Variants in CELSR1 observed in about 807,000 individuals in gnomAD.
CELSR1 encodes the protein adhesion G protein-coupled receptor C1.
CELSR1 carries 110 observed loss-of-function variants against 249.1 expected under a neutral mutation model. The observed-to-expected ratio is 0.44, with a 90% CI of 0.38 to 0.52. The LOEUF (loss-of-function observed/expected upper bound fraction) is 0.52. CELSR1 is among the 20% of genes least tolerant of loss of function. The probability of loss-of-function intolerance (pLI) is 0.00; values close to 1 mark genes in which losing one functional copy is unlikely to be tolerated. For synonymous variants in CELSR1, 2,113 were observed against 1,900.0 expected, an observed-to-expected ratio of 1.11 and a Z score of -2.92; for missense variants, 4,109 against 4,296.4, an observed-to-expected ratio of 0.96 and a Z score of 1.22.
chr22:46,477,939 T>C (rs1197185173), intron 1 of CELSR1, among the ~76,000 whole-genome samples: 2 of 152,268 alleles, frequency 1.3e-5, no homozygotes, highest in Admixed American at 6.5e-5. Context: ...CCCGGGAGGA[T>C]GCTGGGCAGC....
intron 1 of CELSR1, among the ~76,000 whole-genome samples, chr22:46,497,975 A>G (rs1457657259): frequency 6.8e-6 from 1 of 146,646 alleles, no homozygotes; most frequent in Non-Finnish European, 1.5e-5. Flanking sequence ...GGGGCCAGGC[A>G]CGGTGGCTCA....
At chr22:46,375,947 T>A (rs952150360) in intron 24 of CELSR1, among the ~76,000 whole-genome samples, 1 of 152,264 alleles carries the variant, frequency 6.6e-6, no homozygotes, top group Admixed American at 6.5e-5. Context: ...TTCTGATCTC[T>A]ATGCTTTTGT....
Position 46,391,508 on chromosome 22 carries a change from A to G in CELSR1, c.6148+125T>C. ...AGAACCAGGTTTCTAGAAGGTCAAG[A>G]GAACTCAGAACACGAGGGAGCCCAG... On this transcript the variant is annotated intron_variant, in intron 15 of 34. Coordinates refer to ENST00000674500, the MANE Select transcript of CELSR1 (RefSeq NM_001378328.1). The surrounding 1 kb of genome is among the most constrained non-coding windows in gnomAD (Gnocchi z 4.3). The G allele has an allele frequency of 8.4e-7, 1 of 1,183,812 alleles. No homozygotes were observed. The highest frequency in any genetic ancestry group is 1.2e-6 in the Non-Finnish European group (1 of 868,738). The allele number at this position is 1,183,812 out of a possible 1,614,324, so 73.3% of individuals were successfully genotyped here. A position where few individuals can be genotyped will look rare whatever the true frequency, so the allele number is the denominator to read the frequency against.
chr22:46,443,300 G>A (rs1041711678), intron 2 of CELSR1, among the ~76,000 whole-genome samples: 2 of 152,316 alleles, frequency 1.3e-5, no homozygotes, highest in South Asian at 4.1e-4. Context: ...GCACAGGCCA[G>A]GGGGGTGCTT....
rs1275601399 is a variant in CELSR1, at chr22:46,439,519, T to C, written c.4184-108A>G. ...ACACCCCAGCCACACAGTCAGCTGC[T>C]GAAAGAAAACCCGACTGACTCCAGG... is the stretch of plus-strand genomic sequence containing the variant. On this transcript the variant is annotated intron_variant, in intron 2 of 34. Transcript: ENST00000674500. 2.8e-5 allele frequency: 25 copies of C among 894,524 alleles called. No homozygotes were observed. In the East Asian group the frequency reaches 6.4e-4, roughly 23 times the overall value. 55.4% of individuals were successfully genotyped at this position (894,524 alleles called of 1,614,324 possible). A position where few individuals can be genotyped will look rare whatever the true frequency, so the allele number is the denominator to read the frequency against.
intron 5 of CELSR1, among the ~76,000 whole-genome samples, chr22:46,422,230 C>G (rs966553441): frequency 2.6e-5 from 4 of 152,064 alleles, no homozygotes; most frequent in East Asian, 2.0e-4. Flanking sequence ...CTCAGCCTCC[C>G]GAGTAGCTGA....
chr22:46,419,682 C>T (rs2079442682), intron 5 of CELSR1, among the ~76,000 whole-genome samples: 1 of 152,166 alleles, frequency 6.6e-6, no homozygotes. Context: ...AGCAAAAAAG[C>T]TTACCAAAAA....
In CELSR1 at chr22:46,484,819, G is replaced by C. The variant is rs1263429250; in HGVS notation, c.3545-20474C>G. Among the ~76,000 whole-genome samples, 1 of 148,658 alleles carries C rather than the reference G, an allele frequency of 6.7e-6. No homozygotes were observed. The highest frequency in any genetic ancestry group is 2.5e-5 in the African/African-American group (1 of 40,472). ...AAGGATATCATCCTTGTTACTTCCAGGGACGCCTCCCTCCAATTTAGTGAA... is the reference window on the plus strand; with the variant it reads ...AAGGATATCATCCTTGTTACTTCCACGGACGCCTCCCTCCAATTTAGTGAA... On this transcript the variant is annotated intron_variant, in intron 1 of 34. Coordinates refer to ENST00000674500, the MANE Select transcript of CELSR1 (RefSeq NM_001378328.1). The surrounding 1 kb of genome is among the most constrained non-coding windows in gnomAD (Gnocchi z 4.5).
chr22:46,367,822 C>T lies in CELSR1; in HGVS notation c.7986G>A (p.Leu2662=), dbSNP rs142621412. 5.2e-5 allele frequency: 84 copies of T among 1,611,646 alleles called. 1 individual carries two copies. In the Middle Eastern group the frequency reaches 1.9e-3, roughly 37 times the overall value. The change falls in exon 28 of 35, where the codon CTG becomes CTA. Residue 2662 remains leucine, a synonymous_variant. Transcript: ENST00000674500. ...CCAGCAGCCAGGTGGCGCTGATGAG[C>T]AGCAGCAGGAGGAATGCGGTCCTCA... is the stretch of plus-strand genomic sequence containing the variant. ...SLLRTAFLLL[L]LISATWLLGL...
chr22:46,532,289 T>C (rs2080799649), intron 1 of CELSR1, among the ~76,000 whole-genome samples: 1 of 152,256 alleles, frequency 6.6e-6, no homozygotes, highest in South Asian at 2.1e-4. Flanking sequence ...AGAATATCCA[T>C]AACCCCGGTT....
At position 46,512,717 on chromosome 22, in the gene CELSR1, C is replaced by T. The variant is rs1296443024; in HGVS notation, c.3544+20910G>A. Among the ~76,000 whole-genome samples, 8 of 152,194 alleles carry T rather than the reference C, an allele frequency of 5.3e-5. No individual in the cohort carries two copies. Among genetic ancestry groups the T allele is most frequent in the Non-Finnish European group, 7.3e-5 (5 of 68,036 alleles). ...CCTCCACAGTCAACCCTTCTTGTCA[C>T]GGGGATCAGGCACAGCTCCTGCTTA... On this transcript the variant is annotated intron_variant, in intron 1 of 34. Transcript: ENST00000674500. The surrounding 1 kb of genome is among the most constrained non-coding windows in gnomAD (Gnocchi z 5.2).
rs1281454483 is a variant in CELSR1 at position 46,423,889 on chromosome 22, T to C, written c.4611+9504A>G. On this transcript the variant is annotated intron_variant, in intron 5 of 34. Transcript: ENST00000674500. The surrounding 1 kb of genome is among the most constrained non-coding windows in gnomAD (Gnocchi z 5.6). Reference sequence around the variant, plus strand: ...ACTTGGGAGGCTGAGGGCAGGAGAATGGCTTGAACTCAGGAGGCGGAGGTT... The same window carrying C: ...ACTTGGGAGGCTGAGGGCAGGAGAACGGCTTGAACTCAGGAGGCGGAGGTT... Among the ~76,000 whole-genome samples, 4 of 151,900 alleles carry C rather than the reference T, an allele frequency of 2.6e-5. No individual in the cohort carries two copies. The highest frequency in any genetic ancestry group is 2.6e-4 in the Admixed American group (4 of 15,240).
chr22:46,394,070 G>C (rs2079122907), intron 14 of CELSR1, 72 bp downstream of exon 14: 1 of 1,562,020 alleles, frequency 6.4e-7, no homozygotes, highest in Middle Eastern at 1.9e-4. Flanking sequence ...GAAGGCGTGT[G>C]TGTATTTAGG....
At chr22:46,438,173 C>T (rs996625033) in intron 3 of CELSR1, among the ~76,000 whole-genome samples, 4 of 152,222 alleles carry the variant, frequency 2.6e-5, no homozygotes, top group Middle Eastern at 3.4e-3. Context: ...GGCCAGAAAA[C>T]AGAAACCAAG....
chr22:46,507,713 G>C (rs1464434343), intron 1 of CELSR1, among the ~76,000 whole-genome samples: 1 of 152,130 alleles, frequency 6.6e-6, no homozygotes. Flanking sequence ...CTTGCTGGCT[G>C]TGCCGCCCGA....
In CELSR1 at chr22:46,361,401, G is replaced by A. The variant is rs1303342967; in HGVS notation, c.*1822C>T. On this transcript the variant is annotated 3_prime_UTR_variant, in exon 35 of 35. Coordinates refer to ENST00000674500, the MANE Select transcript of CELSR1 (RefSeq NM_001378328.1). ...AAAATTACACCTCGTGATGTTGGCTGTGGAGTACGTGGAAAAAAATAGAAC... is the reference window on the plus strand; with the variant it reads ...AAAATTACACCTCGTGATGTTGGCTATGGAGTACGTGGAAAAAAATAGAAC... 2 of 152,358 alleles carry A rather than the reference G, an allele frequency of 1.3e-5. No individual in the cohort carries two copies. The highest frequency in any genetic ancestry group is 4.8e-5 in the African/African-American group (2 of 41,412). The allele number at this position is 152,358 out of a possible 1,614,324, so 9.4% of individuals were successfully genotyped here. A position where few individuals can be genotyped will look rare whatever the true frequency, so the allele number is the denominator to read the frequency against.
rs1316611084 is a variant in CELSR1, at chr22:46,490,392, T to C, written c.3545-26047A>G. ...ACCTCCGCCTCCCGAGTTCAACCAA[T>C]TCTTCTCCCTCAGCCTCCTGAGTAG... On this transcript the variant is annotated intron_variant, in intron 1 of 34. Transcript: ENST00000674500. This position sits in a 1 kb window ranked among gnomAD's most constrained non-coding sequence, Gnocchi z 5.2. 1.3e-5 allele frequency among the ~76,000 whole-genome samples: 2 copies of C among 152,224 alleles called. No homozygotes were observed. Among genetic ancestry groups the C allele is most frequent in the East Asian group, 3.9e-4 (2 of 5,166 alleles).
intron 2 of CELSR1, among the ~76,000 whole-genome samples, chr22:46,439,964 G>C (rs1201361158): frequency 6.7e-6 from 1 of 149,940 alleles, no homozygotes; most frequent in African/African-American, 2.5e-5. Context: ...GCACTGTCTG[G>C]CCACCCCTGG....
At position 46,363,986 on chromosome 22, in the gene CELSR1, G is replaced by A. The variant is rs754954022; in HGVS notation, c.9035+10C>T. On this transcript the variant is annotated intron_variant, in intron 34 of 34. Transcript: ENST00000674500. The surrounding 1 kb of genome is among the most constrained non-coding windows in gnomAD (Gnocchi z 4.3). ...GGGTGATCCCCGCCCTGGAGGCCCA[G>A]GCTACTCACTCAGAGTCGGAGCCAT... 6.3e-7 allele frequency: 1 copy of A among 1,591,024 alleles called. No individual in the cohort carries two copies. Among genetic ancestry groups the A allele is most frequent in the Admixed American group, 1.8e-5 (1 of 55,866 alleles).
Sources: allele counts gnomAD v4.1 joint callset (sites outside exome capture counted in the v4.1 genomes callset), GRCh38; gene constraint gnomAD v4.1.1; non-coding constraint Gnocchi (gnomAD v3.1); transcripts MANE v1.5; gene names NCBI Gene and HGNC (gene_info 2026-07-23, HGNC 2026-07-21).